The following RBMS2 variants were observed in gnomAD, a reference collection of about 807,000 sequenced individuals.
RBMS2 encodes RNA binding motif single stranded interacting protein 2.
In RBMS2, 38 loss-of-function variants were observed where a neutral mutation model predicts 58.4. The ratio of observed to expected loss-of-function variants is 0.65; its 90% CI spans 0.50 to 0.85. The LOEUF (loss-of-function observed/expected upper bound fraction) is 0.85. Among genes scored for constraint, RBMS2 ranks in the 40% least tolerant of loss-of-function variants. RBMS2 has a pLI of 0.00. For missense variants in RBMS2, 367 were observed against 503.7 expected, an observed-to-expected ratio of 0.73 and a Z score of 2.60; for synonymous variants, 151 against 180.7, an observed-to-expected ratio of 0.84 and a Z score of 1.32.
At chr12:56,573,476 C>CAAAAAAAAA (rs71081382) in intron 5 of RBMS2, among the ~76,000 whole-genome samples, 2 of 59,680 alleles carry the variant, frequency 3.4e-5, no homozygotes, top group Non-Finnish European at 5.8e-5. Context: ...GACGCCATCT[C>CAAAAAAAAA]AAAAAAAAAA....
chr12:56,530,539 T>C (rs1008674510), intron 1 of RBMS2, among the ~76,000 whole-genome samples: 1 of 151,782 alleles, frequency 6.6e-6, no homozygotes, highest in Non-Finnish European at 1.5e-5. Context: ...TTTTAAATTT[T>C]TGTACAGATG....
At position 56,595,509 on chromosome 12, in the gene RBMS2, TG is replaced by T. The variant is rs1438272928; in HGVS notation, c.*6378del. ...AAAACTTACACTCCTTTTCTACCCCTGGTCTTTTCCTTGTCCTTCCCTACAA... is the reference window on the plus strand; with the variant it reads ...AAAACTTACACTCCTTTTCTACCCCTGTCTTTTCCTTGTCCTTCCCTACAA... On this transcript the variant is annotated 3_prime_UTR_variant, in exon 14 of 14. Coordinates refer to ENST00000262031, the MANE Select transcript of RBMS2 (RefSeq NM_002898.4). The T allele has an allele frequency of 6.6e-6, 1 of 152,202 alleles. No homozygotes were observed. Among genetic ancestry groups the T allele is most frequent in the Non-Finnish European group, 1.5e-5 (1 of 68,028 alleles). The allele number at this position is 152,202 out of a possible 1,614,324, so 9.4% of individuals were successfully genotyped here. A position where few individuals can be genotyped will look rare whatever the true frequency, so the allele number is the denominator to read the frequency against.
intron 9 of RBMS2, among the ~76,000 whole-genome samples, chr12:56,583,994 C>T (rs1027253390): frequency 6.6e-6 from 1 of 152,174 alleles, no homozygotes; most frequent in Non-Finnish European, 1.5e-5. Flanking sequence ...AACTGGATTG[C>T]TGGGCACCAC....
intron 1 of RBMS2, among the ~76,000 whole-genome samples, chr12:56,531,557 G>C (rs551425258): frequency 1.3e-5 from 2 of 151,938 alleles, no homozygotes; most frequent in Non-Finnish European, 2.9e-5. Context: ...GGCCCAGCGC[G>C]GTGGCTCATG....
intron 1 of RBMS2, among the ~76,000 whole-genome samples, chr12:56,544,013 C>T (rs1876662104): frequency 6.6e-6 from 1 of 151,982 alleles, no homozygotes; most frequent in African/African-American, 2.4e-5. Flanking sequence ...GGTGGTGGCT[C>T]ACGCCTCTAA....
At chr12:56,563,402 T>A (rs1229314080) in intron 2 of RBMS2, among the ~76,000 whole-genome samples, 1 of 152,102 alleles carries the variant, frequency 6.6e-6, no homozygotes, top group Admixed American at 6.6e-5. Context: ...ATCATGCACT[T>A]TGGAGACTTT....
chr12:56,535,494 C>CAAAAAAAAAAAA (rs59905092), intron 1 of RBMS2, among the ~76,000 whole-genome samples: 15 of 97,712 alleles, frequency 1.5e-4, no homozygotes, highest in African/African-American at 5.0e-4. Context: ...GACTCCATCT[C>CAAAAAAAAAAAA]AAAAAAAAAA....
intron 9 of RBMS2, among the ~76,000 whole-genome samples, chr12:56,583,164 T>G (rs998819040): frequency 9.9e-5 from 15 of 152,214 alleles, no homozygotes; most frequent in African/African-American, 3.6e-4. Flanking sequence ...TGCTATATTT[T>G]TATATATGAA....
intron 5 of RBMS2, chr12:56,572,965 T>C (rs1882537936): frequency 2.0e-6 from 2 of 981,724 alleles, no homozygotes; most frequent in African/African-American, 3.5e-5. Flanking sequence ...CTGCCCTCAC[T>C]GTCGTAGGGT....
intron 9 of RBMS2, among the ~76,000 whole-genome samples, chr12:56,585,155 C>G (rs550900828): frequency 6.6e-6 from 1 of 152,190 alleles, no homozygotes; most frequent in South Asian, 2.1e-4. Context: ...AAAGTATTCT[C>G]TGTCTCTATA....
intron 1 of RBMS2, among the ~76,000 whole-genome samples, chr12:56,554,655 G>A (rs1381197987): frequency 2.6e-5 from 4 of 152,128 alleles, no homozygotes. Context: ...CTAGGTGATG[G>A]GTTGATAGGT....
At chr12:56,545,937 C>CTT (rs778671118) in intron 1 of RBMS2, among the ~76,000 whole-genome samples, 1 of 14,452 alleles carries the variant, frequency 6.9e-5, no homozygotes, top group African/African-American at 9.2e-5. Context: ...CCTTTCTTTT[C>CTT]TTTTTTTTTT....
intron 1 of RBMS2, among the ~76,000 whole-genome samples, chr12:56,540,046 A>G (rs1875782521): frequency 6.6e-6 from 1 of 152,190 alleles, no homozygotes; most frequent in Admixed American, 6.5e-5. Flanking sequence ...TAGTCTAATG[A>G]AAATAGGCCA....
intron 1 of RBMS2, among the ~76,000 whole-genome samples, chr12:56,555,265 A>G (rs1879026023): frequency 6.6e-6 from 1 of 151,570 alleles, no homozygotes; most frequent in Non-Finnish European, 1.5e-5. Context: ...TTTCAGACAT[A>G]ATATTAAGAA....
chr12:56,587,680 TC>T lies in RBMS2; in HGVS notation c.1062+17del. ...CACAGGCACGGTAAAGCAGGATATT[TC>T]TGATTGTAAACTCTCCTACTGAGCA... On this transcript the variant is annotated intron_variant, in intron 11 of 13. Transcript: ENST00000262031. 1 of 1,610,816 alleles carries T rather than the reference TC, an allele frequency of 6.2e-7. No homozygotes were observed. Among genetic ancestry groups the T allele is most frequent in the Non-Finnish European group, 8.5e-7 (1 of 1,177,700 alleles).
intron 1 of RBMS2, chr12:56,527,912 G>T (rs912863870): frequency 4.6e-5 from 7 of 152,094 alleles, no homozygotes; most frequent in African/African-American, 1.7e-4. Flanking sequence ...ACAGAAACAG[G>T]ACAAAGGAAA....
intron 1 of RBMS2, among the ~76,000 whole-genome samples, chr12:56,531,588 G>C (rs1873728303): frequency 6.6e-6 from 1 of 152,012 alleles, no homozygotes; most frequent in African/African-American, 2.4e-5. Context: ...CAGCACTTTG[G>C]GAGGCTGAGG....
upstream of RBMS2, among the ~76,000 whole-genome samples, chr12:56,521,500 C>CTTTTTTTTTT (rs1871713749): frequency 3.2e-5 from 3 of 92,470 alleles, no homozygotes; most frequent in Admixed American, 1.2e-4. Context: ...CACTCTAACT[C>CTTTTTTTTTT]TGTTTTTTTT....
chr12:56,556,623 G>A (rs1391747864), intron 1 of RBMS2, among the ~76,000 whole-genome samples: 2 of 151,970 alleles, frequency 1.3e-5, no homozygotes, highest in East Asian at 1.9e-4. Flanking sequence ...TGATCCACCC[G>A]CCTCAGCCTC....
Sources: gnomAD v4.1 joint callset for allele counts (sites outside exome capture counted in the v4.1 genomes callset) on GRCh38, gnomAD v4.1.1 for gene constraint, MANE v1.5 for transcripts, NCBI Gene and HGNC (gene_info 2026-07-23, HGNC 2026-07-21) for gene names.